IL20RB: variants seen among roughly 807,000 people sequenced by gnomAD.
IL20RB encodes interleukin 20 receptor subunit beta.
Under a neutral mutation model 33.3 loss-of-function variants are expected in IL20RB, and 21 were observed. The ratio of observed to expected loss-of-function variants is 0.63; its 90% CI spans 0.45 to 0.91. IL20RB has a LOEUF of 0.91. Ranked by LOEUF, IL20RB falls within the 40% of genes least tolerant of loss-of-function variation. IL20RB has a pLI of 0.00. For missense variants in IL20RB, 345 were observed against 384.8 expected (o/e 0.90, Z 0.86); for synonymous variants, 147 against 146.8 (o/e 1.00, Z -0.01).
chr3:137,004,305 C>A (rs1370709115), intron 6 of IL20RB, among the ~76,000 whole-genome samples: 2 of 152,096 alleles, frequency 1.3e-5, no homozygotes, highest in Non-Finnish European at 2.9e-5. Flanking sequence ...GAATTCCCTC[C>A]TTTTCTATTG....
At chr3:136,999,459 G>A (rs1942197640) in intron 6 of IL20RB, among the ~76,000 whole-genome samples, 1 of 151,848 alleles carries the variant, frequency 6.6e-6, no homozygotes, top group Non-Finnish European at 1.5e-5. Flanking sequence ...GGCTGGTCTG[G>A]AACTCCTGGG....
At chr3:136,970,418 T>G (rs1941443565) in intron 1 of IL20RB, among the ~76,000 whole-genome samples, 1 of 152,054 alleles carries the variant, frequency 6.6e-6, no homozygotes, top group Non-Finnish European at 1.5e-5. Flanking sequence ...GATTTTAGGA[T>G]TACTTTTGTC....
rs140654291 is a variant in IL20RB, at chr3:136,977,580, C to T, written c.89-2886C>T. On this transcript the variant is annotated intron_variant, in intron 1 of 6. Coordinates refer to ENST00000329582, the MANE Select transcript of IL20RB (RefSeq NM_144717.4). ...TTGCTCTGTTGCCCAGGCTGGAGTG[C>T]GGTGGTGCAATCTCAACTCACTGCA... Among the ~76,000 whole-genome samples the T allele has an allele frequency of 9.6e-3, 1,462 of 152,026 alleles. 17 individuals are homozygous for T. Among genetic ancestry groups the T allele is most frequent in the South Asian group, 0.045 (217 of 4,818 alleles).
At chr3:137,007,378 C>G (rs1404945831) in intron 6 of IL20RB, among the ~76,000 whole-genome samples, 2 of 152,196 alleles carry the variant, frequency 1.3e-5, no homozygotes, top group Non-Finnish European at 2.9e-5. Flanking sequence ...TTTTGTTCAG[C>G]TATGCCCTGT....
chr3:137,003,884 T>G (rs1942296780), intron 6 of IL20RB, among the ~76,000 whole-genome samples: 1 of 152,214 alleles, frequency 6.6e-6, no homozygotes, highest in African/African-American at 2.4e-5. Context: ...TTCAGTATGA[T>G]ATTGGGTGTG....
At chr3:136,972,454 G>A (rs939853324) in intron 1 of IL20RB, among the ~76,000 whole-genome samples, 2 of 152,072 alleles carry the variant, frequency 1.3e-5, no homozygotes, top group Non-Finnish European at 2.9e-5. Context: ...TCTTTGTTGG[G>A]AGACTTATTA....
chr3:137,010,033 T>C, intron 6 of IL20RB, 80 bp from the exon 7 acceptor site: 1 of 731,392 alleles, frequency 1.4e-6, no homozygotes, highest in Non-Finnish European at 2.4e-6. Flanking sequence ...ATTAATCAAA[T>C]AGTTAAAAAT....
intron 5 of IL20RB, among the ~76,000 whole-genome samples, 171 bp downstream of exon 5, chr3:136,992,259 C>T (rs1429740191): frequency 6.6e-6 from 1 of 152,186 alleles, no homozygotes; most frequent in Non-Finnish European, 1.5e-5. Context: ...ATCTGATTCC[C>T]CTAGAGGCAG....
intron 1 of IL20RB, among the ~76,000 whole-genome samples, chr3:136,979,472 G>A (rs1319346709): frequency 6.6e-6 from 1 of 152,228 alleles, no homozygotes; most frequent in Admixed American, 6.5e-5. Flanking sequence ...AGGGAGGCAG[G>A]TGTTGGGCAT....
chr3:137,009,476 A>G (rs1015779538), intron 6 of IL20RB, among the ~76,000 whole-genome samples: 1 of 152,200 alleles, frequency 6.6e-6, no homozygotes. Context: ...GGTGCTGTTC[A>G]TAAAGCATCT....
intron 1 of IL20RB, among the ~76,000 whole-genome samples, chr3:136,977,432 G>T (rs1458626601): frequency 6.6e-6 from 1 of 152,024 alleles, no homozygotes; most frequent in Non-Finnish European, 1.5e-5. Flanking sequence ...TTAGCATTGT[G>T]GAGTTTTCCC....
At chr3:136,987,643 C>T (rs1426012378) in intron 3 of IL20RB, among the ~76,000 whole-genome samples, 7 of 152,244 alleles carry the variant, frequency 4.6e-5, no homozygotes, top group African/African-American at 1.4e-4. Context: ...CAGGGGGTGG[C>T]GCTCATCGGG....
At chr3:137,008,581 C>T (rs1309506692) in intron 6 of IL20RB, among the ~76,000 whole-genome samples, 1 of 152,112 alleles carries the variant, frequency 6.6e-6, no homozygotes, top group Non-Finnish European at 1.5e-5. Flanking sequence ...TTCCAAAATT[C>T]TGAGATTATG....
In IL20RB at chr3:137,010,182, G is replaced by T; in HGVS notation, c.895G>T (p.Val299Leu). 1.2e-6 allele frequency: 2 copies of T among 1,607,162 alleles called. No homozygotes were observed. Among genetic ancestry groups the T allele is most frequent in the Non-Finnish European group, 1.7e-6 (2 of 1,173,664 alleles). The part of the protein sequence containing the change: ...REEVDACATA[V>L]MSPEELLRAW... Reference sequence around the variant, plus strand: ...GGAGGTGGATGCCTGTGCCACGGCTGTGATGTCTCCTGAGGAACTCCTCAG... The same window carrying T: ...GGAGGTGGATGCCTGTGCCACGGCTTTGATGTCTCCTGAGGAACTCCTCAG... Residue 299 changes from valine to leucine, a missense_variant, in exon 7 of 7, where the codon GTG becomes TTG. Coordinates refer to ENST00000329582, the MANE Select transcript of IL20RB (RefSeq NM_144717.4).
chr3:137,004,918 C>T (rs1942322441), intron 6 of IL20RB, among the ~76,000 whole-genome samples: 1 of 152,166 alleles, frequency 6.6e-6, no homozygotes, highest in Non-Finnish European at 1.5e-5. Flanking sequence ...CTATAAATTT[C>T]CCTCTGCACA....
chr3:136,970,221 A>C (rs990393988), intron 1 of IL20RB, among the ~76,000 whole-genome samples: 1 of 151,840 alleles, frequency 6.6e-6, no homozygotes, highest in Non-Finnish European at 1.5e-5. Context: ...CCTCTGAAGT[A>C]GCTGGGACTG....
intron 1 of IL20RB, among the ~76,000 whole-genome samples, chr3:136,971,888 T>A (rs1443401066): frequency 6.6e-6 from 1 of 152,200 alleles, no homozygotes; most frequent in Admixed American, 6.5e-5. Flanking sequence ...TAATTCTGTT[T>A]TTAGTTTTTT....
chr3:136,997,797 G>A (rs571823498), intron 6 of IL20RB, among the ~76,000 whole-genome samples: 12 of 149,724 alleles, frequency 8.0e-5, no homozygotes, highest in Middle Eastern at 3.4e-3. Flanking sequence ...TTTTTGAGAC[G>A]GAGTCCCACC....
At chr3:136,981,397 GC>G (rs1411358179) in intron 2 of IL20RB, among the ~76,000 whole-genome samples, 1 of 152,134 alleles carries the variant, frequency 6.6e-6, no homozygotes, top group Non-Finnish European at 1.5e-5. Flanking sequence ...TAGAATATTT[GC>G]ATCATCACAG....
Sources: gnomAD v4.1 joint callset for allele counts (sites outside exome capture counted in the v4.1 genomes callset) on GRCh38, gnomAD v4.1.1 for gene constraint, MANE v1.5 for transcripts, NCBI Gene and HGNC (gene_info 2026-07-23, HGNC 2026-07-21) for gene names.